Variants in SOX5 observed in about 807,000 individuals in gnomAD.
SOX5 encodes transcription factor SOX-5.
SOX5 carries 9 observed loss-of-function variants against 92.0 expected under a neutral mutation model. The observed-to-expected ratio is 0.10, with a 90% confidence interval of 0.06 to 0.17. The LOEUF is 0.17. Among genes scored for constraint, SOX5 ranks in the 10% least tolerant of loss-of-function variants. The probability of loss-of-function intolerance (pLI) is 1.00; values close to 1 mark genes in which losing one functional copy is unlikely to be tolerated. For synonymous variants in SOX5, 344 were observed against 336.3 expected, an observed-to-expected ratio of 1.02 and a Z score of -0.25; for missense variants, 642 against 944.5, an observed-to-expected ratio of 0.68 and a Z score of 4.20.
intron 2 of SOX5, among the ~76,000 whole-genome samples, chr12:23,888,180 GATAA>G (rs2097091443): frequency 6.6e-6 from 1 of 152,032 alleles, no homozygotes; most frequent in Non-Finnish European, 1.5e-5. Flanking sequence ...TACCTCCACT[GATAA>G]ATATTCATTG....
chr12:23,788,634 G>C (rs1555342691), intron 3 of SOX5, among the ~76,000 whole-genome samples: 2 of 151,828 alleles, frequency 1.3e-5, no homozygotes, highest in Non-Finnish European at 2.9e-5. Context: ...GCTTGGACTT[G>C]GGGTAATCAG....
chr12:23,743,038 A>C (rs2093855400), intron 4 of SOX5, among the ~76,000 whole-genome samples: 2 of 152,184 alleles, frequency 1.3e-5, no homozygotes, highest in African/African-American at 4.8e-5. Context: ...AAACAACCTA[A>C]ATGTCAAATA....
chr12:23,949,655 A>G lies in SOX5; in HGVS notation c.-54T>C. 5.0e-6 allele frequency: 8 copies of G among 1,613,530 alleles called. No homozygotes were observed. Among genetic ancestry groups the G allele is most frequent in the South Asian group, 2.2e-5 (2 of 91,048 alleles). ...CAGCAGCCACCTATGATCGTCTCCA[A>G]CTGAACCTGTCAAGTGAGTCCAAAC... is the stretch of plus-strand genomic sequence containing the variant. On this transcript the variant is annotated 5_prime_UTR_variant, in exon 1 of 15. Coordinates refer to ENST00000451604, the MANE Select transcript of SOX5 (RefSeq NM_006940.6).
chr12:23,761,281 A>C (rs1022742557), intron 3 of SOX5, among the ~76,000 whole-genome samples: 1 of 152,156 alleles, frequency 6.6e-6, no homozygotes, highest in Non-Finnish European at 1.5e-5. Context: ...ATGGAACATA[A>C]ATGGTTTGGC....
chr12:24,107,730 G>T (rs1217289305), intron 4 of SOX5, among the ~76,000 whole-genome samples: 4 of 152,178 alleles, frequency 2.6e-5, no homozygotes, highest in Non-Finnish European at 5.9e-5. Context: ...ACAGGGGAGA[G>T]AAAAGAATTG....
chr12:23,903,685 GA>G (rs534701742), intron 1 of SOX5, among the ~76,000 whole-genome samples: 8 of 152,182 alleles, frequency 5.3e-5, no homozygotes, highest in Non-Finnish European at 1.2e-4. Context: ...AATTCAAAGA[GA>G]ATAATACTTT....
chr12:23,742,966 C>G (rs1325377353), intron 4 of SOX5, among the ~76,000 whole-genome samples: 1 of 151,128 alleles, frequency 6.6e-6, no homozygotes, highest in Admixed American at 6.6e-5. Context: ...AAAAAAAAAT[C>G]TAGTCCAAAA....
chr12:24,402,169 T>C (rs920001884), intron 1 of SOX5, among the ~76,000 whole-genome samples: 2 of 152,210 alleles, frequency 1.3e-5, no homozygotes, highest in Admixed American at 6.5e-5. Context: ...AGTGGGAGTA[T>C]GGACAAGAAA....
intron 7 of SOX5, among the ~76,000 whole-genome samples, chr12:23,644,727 A>T (rs1050196473): frequency 6.6e-6 from 1 of 152,216 alleles, no homozygotes; most frequent in Non-Finnish European, 1.5e-5. Context: ...TTATCATTTC[A>T]TATTTTTAGT....
At chr12:24,017,530 G>A (rs573280553) in intron 4 of SOX5, among the ~76,000 whole-genome samples, 30 of 152,194 alleles carry the variant, frequency 2.0e-4, no homozygotes, top group African/African-American at 5.8e-4. Flanking sequence ...AACACAGGAG[G>A]TGGAGGTTGC....
At chr12:23,919,758 C>G (rs773138392) in intron 1 of SOX5, among the ~76,000 whole-genome samples, 5 of 152,190 alleles carry the variant, frequency 3.3e-5, no homozygotes, top group Non-Finnish European at 7.4e-5. Context: ...ACCTCACAGT[C>G]TATGCTTTTA....
chr12:24,432,252 G>T (rs1211816660), intron 1 of SOX5, among the ~76,000 whole-genome samples: 1 of 152,170 alleles, frequency 6.6e-6, no homozygotes, highest in African/African-American at 2.4e-5. Context: ...GGTCAAAATA[G>T]AAATCTCACT....
chr12:24,410,825 T>C (rs1017984245), intron 1 of SOX5, among the ~76,000 whole-genome samples: 1 of 152,196 alleles, frequency 6.6e-6, no homozygotes, highest in African/African-American at 2.4e-5. Flanking sequence ...TCAATATAAA[T>C]TTTTCTTCTC....
At chr12:24,548,648 G>A (rs1952873950) in intron 1 of SOX5, among the ~76,000 whole-genome samples, 1 of 152,160 alleles carries the variant, frequency 6.6e-6, no homozygotes, top group African/African-American at 2.4e-5. Flanking sequence ...ATAGGTTAGT[G>A]GAATGGGGAT....
At chr12:24,239,775 T>C (rs1965215638) in intron 3 of SOX5, among the ~76,000 whole-genome samples, 1 of 152,224 alleles carries the variant, frequency 6.6e-6, no homozygotes, top group African/African-American at 2.4e-5. Flanking sequence ...AAGAGTCTCA[T>C]CTTAGAACCA....
chr12:24,326,624 C>A (rs1950713002), intron 2 of SOX5, among the ~76,000 whole-genome samples: 2 of 152,112 alleles, frequency 1.3e-5, no homozygotes, highest in Admixed American at 1.3e-4. Context: ...ACTGGTGTGA[C>A]CTCTACCTTG....
At chr12:24,259,416 CTGAG>C (rs934852592) in intron 3 of SOX5, among the ~76,000 whole-genome samples, 1 of 152,118 alleles carries the variant, frequency 6.6e-6, no homozygotes, top group Non-Finnish European at 1.5e-5. Flanking sequence ...GCATTGTTTA[CTGAG>C]TATTTATTGC....
chr12:24,267,611 T>C (rs1594970440), intron 3 of SOX5, among the ~76,000 whole-genome samples: 1 of 152,188 alleles, frequency 6.6e-6, no homozygotes, highest in Admixed American at 6.5e-5. Flanking sequence ...GAAAGTACTA[T>C]GAAAACAGTT....
At chr12:23,858,601 T>G (rs997861839) in intron 2 of SOX5, among the ~76,000 whole-genome samples, 1 of 151,916 alleles carries the variant, frequency 6.6e-6, no homozygotes, top group African/African-American at 2.4e-5. Context: ...TTGGTGGGAG[T>G]GTAAATTAGT....
Sources: allele counts gnomAD v4.1 joint callset (sites outside exome capture counted in the v4.1 genomes callset), GRCh38; gene constraint gnomAD v4.1.1; transcripts MANE v1.5; gene names NCBI Gene and HGNC (gene_info 2026-07-23, HGNC 2026-07-21).